Variants in DYNLT5 observed in about 807,000 individuals in gnomAD.
DYNLT5 encodes dynein light chain Tctex-type 5.
A neutral mutation model predicts 19.3 loss-of-function variants in DYNLT5; 25 were observed. The ratio of observed to expected loss-of-function variants is 1.30; its 90% CI spans 0.95 to 1.81. The LOEUF (loss-of-function observed/expected upper bound fraction) is 1.81, where lower values mean the gene tolerates loss of function less well. Ranked by LOEUF, DYNLT5 falls within the 40% of genes most tolerant of loss-of-function variation. The probability of loss-of-function intolerance (pLI) is 0.00; values close to 1 mark genes in which losing one functional copy is unlikely to be tolerated. For synonymous variants in DYNLT5, 82 were observed against 68.9 expected, an observed-to-expected ratio of 1.19 and a Z score of -0.94; for missense variants, 232 against 217.9, an observed-to-expected ratio of 1.06 and a Z score of -0.41.
At chr1:66,758,547 A>G (rs957148342) in intron 2 of DYNLT5, among the ~76,000 whole-genome samples, 6 of 152,140 alleles carry the variant, frequency 3.9e-5, no homozygotes, top group African/African-American at 9.7e-5. Context: ...CCCCGTGTGA[A>G]CCCACTGATG....
At chr1:66,772,554 C>T (rs1262791139) in intron 3 of DYNLT5, among the ~76,000 whole-genome samples, 1 of 152,208 alleles carries the variant, frequency 6.6e-6, no homozygotes, top group Admixed American at 6.5e-5. Flanking sequence ...ATCAGTGGGA[C>T]TTTGGTAAAT....
chr1:66,764,069 T>G (rs1199327451), intron 2 of DYNLT5, among the ~76,000 whole-genome samples: 1 of 152,038 alleles, frequency 6.6e-6, no homozygotes, highest in African/African-American at 2.4e-5. Flanking sequence ...GCACCTGTAG[T>G]CCTTGCTACT....
chr1:66,777,357 G>A lies in DYNLT5; in HGVS notation c.443G>A (p.Cys148Tyr), dbSNP rs1645242719. ...CAGAGCATACTTATTGGAAGCAGAT[G>A]CCTCTGGGATCCTAAAAGTGATACC... ...NRQSILIGSRCLWDPKSDTFS... is the reference protein window; with the variant it reads ...NRQSILIGSRYLWDPKSDTFS... Residue 148 changes from cysteine to tyrosine, a missense_variant, in exon 5 of 5, where the codon TGC (cysteine) becomes TAC (tyrosine). Cys to Tyr is a radical substitution (Grantham distance 194). Coordinates refer to ENST00000282670, the MANE Select transcript of DYNLT5 (RefSeq NM_152665.3). 3 of 1,613,950 alleles carry A rather than the reference G, an allele frequency of 1.9e-6. No individual in the cohort carries two copies. The highest frequency in any genetic ancestry group is 2.7e-5 in the African/African-American group (2 of 75,020).
At chr1:66,767,555 G>A (rs552967809) in intron 2 of DYNLT5, among the ~76,000 whole-genome samples, 6 of 152,302 alleles carry the variant, frequency 3.9e-5, no homozygotes, top group African/African-American at 1.4e-4. Context: ...ACCACTGCCA[G>A]CCCCAAGTTT....
Position 66,778,983 on chromosome 1 carries a change from C to T in DYNLT5, c.*1529C>T, listed in dbSNP as rs779551850. ...AACATCTCCCTTCGTGGAACAACAG[C>T]GGGGGTAATCATATCACTAATTTTG... On this transcript the variant is annotated 3_prime_UTR_variant, in exon 5 of 5. Coordinates refer to ENST00000282670, the MANE Select transcript of DYNLT5 (RefSeq NM_152665.3). Among the ~76,000 whole-genome samples, 9 of 152,178 alleles carry T rather than the reference C, an allele frequency of 5.9e-5. No homozygotes were observed. The highest frequency in any genetic ancestry group is 1.0e-4 in the Non-Finnish European group (7 of 68,010).
intron 1 of DYNLT5, 136 bp downstream of exon 1, chr1:66,752,720 A>C: frequency 4.1e-6 from 2 of 488,526 alleles, no homozygotes; most frequent in Non-Finnish European, 5.3e-6. Context: ...CCCAACACAT[A>C]AGAAAAAATG....
intron 3 of DYNLT5, among the ~76,000 whole-genome samples, chr1:66,772,158 G>T (rs1431222244): frequency 6.6e-6 from 1 of 152,130 alleles, no homozygotes; most frequent in Non-Finnish European, 1.5e-5. Flanking sequence ...TTGCTATAAA[G>T]AAATACCTGA....
intron 1 of DYNLT5, among the ~76,000 whole-genome samples, chr1:66,753,240 T>G (rs1170061030): frequency 6.6e-6 from 1 of 152,238 alleles, no homozygotes; most frequent in Non-Finnish European, 1.5e-5. Context: ...TATGTTCTTG[T>G]GTGCCCTACC....
chr1:66,757,707 A>G (rs2094638797), intron 2 of DYNLT5, among the ~76,000 whole-genome samples: 1 of 152,184 alleles, frequency 6.6e-6, no homozygotes, highest in Admixed American at 6.5e-5. Context: ...GCTCCATAAT[A>G]GGAGTTGGCA....
At chr1:66,776,117 G>C (rs543865867) in intron 3 of DYNLT5, 162 bp from the exon 4 acceptor site, 1 of 809,352 alleles carries the variant, frequency 1.2e-6, no homozygotes, top group South Asian at 2.4e-5. Flanking sequence ...CTCTCTCAGA[G>C]CACTTGACAG....
chr1:66,776,609 A>G (rs1645237534), intron 4 of DYNLT5, among the ~76,000 whole-genome samples: 1 of 151,980 alleles, frequency 6.6e-6, no homozygotes, highest in Non-Finnish European at 1.5e-5. Flanking sequence ...TAAAACAATC[A>G]TGAGCATCAT....
At chr1:66,760,385 A>G (rs1226406540) in intron 2 of DYNLT5, among the ~76,000 whole-genome samples, 1 of 152,156 alleles carries the variant, frequency 6.6e-6, no homozygotes, top group Non-Finnish European at 1.5e-5. Flanking sequence ...TCATCGAATG[A>G]ATAATTGTTG....
At chr1:66,769,222 C>T (rs895680054) in intron 2 of DYNLT5, among the ~76,000 whole-genome samples, 1 of 152,142 alleles carries the variant, frequency 6.6e-6, no homozygotes. Flanking sequence ...TTAAGTCACT[C>T]ATCCAGAAAT....
At chr1:66,765,533 T>C (rs2094653332) in intron 2 of DYNLT5, among the ~76,000 whole-genome samples, 1 of 152,204 alleles carries the variant, frequency 6.6e-6, no homozygotes, top group East Asian at 1.9e-4. Flanking sequence ...CTTGTGTTTA[T>C]CTAGGTAATT....
At chr1:66,763,238 G>C (rs2094648945) in intron 2 of DYNLT5, among the ~76,000 whole-genome samples, 1 of 152,176 alleles carries the variant, frequency 6.6e-6, no homozygotes, top group Non-Finnish European at 1.5e-5. Context: ...AAATATTCAA[G>C]AAACTATGCC....
At position 66,770,723 on chromosome 1, in the gene DYNLT5, A is replaced by T; in HGVS notation, c.211+245A>T. Reference sequence around the variant, plus strand: ...ACAATTCACTGGGTGGCACTGATGCATACAGTATACTACTGACTTAACAAA... The same window carrying T: ...ACAATTCACTGGGTGGCACTGATGCTTACAGTATACTACTGACTTAACAAA... On this transcript the variant is annotated intron_variant, in intron 3 of 4. Transcript: ENST00000282670. 5.1e-6 allele frequency: 3 copies of T among 587,698 alleles called. No homozygotes were observed. In the Admixed American group the frequency reaches 6.8e-5, roughly 13 times the overall value. The allele number at this position is 587,698 out of a possible 1,614,324, so 36.4% of individuals were successfully genotyped here. A position where few individuals can be genotyped will look rare whatever the true frequency, so the allele number is the denominator to read the frequency against.
intron 2 of DYNLT5, among the ~76,000 whole-genome samples, chr1:66,755,349 G>A (rs956464595): frequency 1.3e-5 from 2 of 152,138 alleles, no homozygotes; most frequent in African/African-American, 4.8e-5. Context: ...AGGTCAAAGG[G>A]CAATAAGTAG....
intron 2 of DYNLT5, among the ~76,000 whole-genome samples, chr1:66,760,981 T>C (rs1356647203): frequency 1.3e-5 from 2 of 152,242 alleles, no homozygotes; most frequent in Admixed American, 1.3e-4. Flanking sequence ...TCATTCTTTA[T>C]CCTTCAGCAT....
chr1:66,756,889 C>T (rs2094636918), intron 2 of DYNLT5, among the ~76,000 whole-genome samples: 2 of 152,206 alleles, frequency 1.3e-5, no homozygotes, highest in Non-Finnish European at 1.5e-5. Context: ...TGGGGTACCC[C>T]GACTCCTTGC....
Sources: gnomAD v4.1 joint callset for allele counts (sites outside exome capture counted in the v4.1 genomes callset) on GRCh38, gnomAD v4.1.1 for gene constraint, MANE v1.5 for transcripts, NCBI Gene and HGNC (gene_info 2026-07-23, HGNC 2026-07-21) for gene names.